The following PIK3CB variants were observed in gnomAD, a reference collection of about 807,000 sequenced individuals.
PIK3CB encodes the protein phosphatidylinositol-4,5-bisphosphate 3-kinase catalytic subunit beta.
PIK3CB carries 39 observed loss-of-function variants against 136.8 expected under a neutral mutation model. That is an observed-to-expected ratio of 0.29 (90% CI 0.22 to 0.37). The LOEUF is 0.37. Ranked by LOEUF, PIK3CB falls within the 10% of genes least tolerant of loss-of-function variation. The pLI, the probability that PIK3CB is intolerant of heterozygous loss-of-function variation, is 1.00. For missense variants in PIK3CB, 868 were observed against 1,275.4 expected, an observed-to-expected ratio of 0.68 and a Z score of 4.87; for synonymous variants, 428 against 436.6, an observed-to-expected ratio of 0.98 and a Z score of 0.25.
chr3:138,703,716 G>A (rs2108546937), intron 12 of PIK3CB, among the ~76,000 whole-genome samples: 1 of 152,260 alleles, frequency 6.6e-6, no homozygotes, highest in South Asian at 2.1e-4. Context: ...AATGGGAATA[G>A]TATATGTGGC....
At chr3:138,765,921 G>T (rs1253883372) in intron 2 of PIK3CB, among the ~76,000 whole-genome samples, 9 of 152,210 alleles carry the variant, frequency 5.9e-5, no homozygotes, top group Non-Finnish European at 1.3e-4. Context: ...AAGTCTATTT[G>T]CATGTGGTTT....
chr3:138,792,574 A>G (rs1163833944), intron 2 of PIK3CB, among the ~76,000 whole-genome samples: 1 of 152,158 alleles, frequency 6.6e-6, no homozygotes, highest in Non-Finnish European at 1.5e-5. Flanking sequence ...CAGCTTGCAT[A>G]CAGTTTAAAT....
intron 19 of PIK3CB, among the ~76,000 whole-genome samples, chr3:138,675,747 GAGAA>G (rs1473133262): frequency 6.6e-6 from 1 of 152,124 alleles, no homozygotes; most frequent in Non-Finnish European, 1.5e-5. Context: ...AATGAAAAGA[GAGAA>G]AGAACAAAGG....
At chr3:138,803,228 G>C (rs1427139491) in intron 1 of PIK3CB, among the ~76,000 whole-genome samples, 2 of 152,176 alleles carry the variant, frequency 1.3e-5, no homozygotes, top group African/African-American at 4.8e-5. Flanking sequence ...AAAAAGGTTG[G>C]GAAGGGAGGT....
chr3:138,680,088 G>A (rs559081383), intron 19 of PIK3CB, among the ~76,000 whole-genome samples: 14 of 152,002 alleles, frequency 9.2e-5, no homozygotes, highest in Admixed American at 2.0e-4. Flanking sequence ...GACAGGGGGC[G>A]GCGACTCACG....
At chr3:138,788,030 C>T (rs1040529545) in intron 2 of PIK3CB, among the ~76,000 whole-genome samples, 2 of 150,890 alleles carry the variant, frequency 1.3e-5, no homozygotes, top group Non-Finnish European at 2.9e-5. Context: ...TCAAACGATT[C>T]TCCTGCCTCA....
intron 11 of PIK3CB, among the ~76,000 whole-genome samples, chr3:138,705,168 A>AAG (rs2044341648): frequency 1.0e-5 from 1 of 97,376 alleles, no homozygotes; most frequent in Non-Finnish European, 2.1e-5. Context: ...AAAAAAAAAA[A>AAG]AAAAACAAAA....
intron 19 of PIK3CB, among the ~76,000 whole-genome samples, chr3:138,680,085 G>A (rs1387274676): frequency 6.6e-6 from 1 of 151,688 alleles, no homozygotes; most frequent in Non-Finnish European, 1.5e-5. Context: ...AAAGACAGGG[G>A]GCGGCGACTC....
rs2043793168 is a variant in PIK3CB at position 138,682,028 on chromosome 3, A to G, written c.2443T>C (p.Leu815=). 17 of 1,611,756 alleles carry G rather than the reference A, an allele frequency of 1.1e-5. No homozygotes were observed. Among genetic ancestry groups the G allele is most frequent in the Non-Finnish European group, 1.4e-5 (17 of 1,178,774 alleles). ...KNGDDLRQDM[L]TLQMLRLMDL... is the part of the protein sequence containing the mutation. ...ATCAAGCGCAACATTTGGAGTGTCA[A>G]CATATCCTGTCGTAAATCTAAGGGA... The change falls in exon 19 of 24, where the codon TTG becomes CTG. Residue 815 remains leucine, a synonymous_variant. Transcript: ENST00000674063.
chr3:138,722,575 C>T (rs244380), intron 8 of PIK3CB, among the ~76,000 whole-genome samples: 74,270 of 151,468 alleles, frequency 0.49, 20,689 homozygotes, highest in East Asian at 0.98. Flanking sequence ...AATAAATGTT[C>T]GCTAGTATTT....
intron 14 of PIK3CB, among the ~76,000 whole-genome samples, chr3:138,694,488 T>C (rs1407840669): frequency 6.6e-6 from 1 of 152,192 alleles, no homozygotes; most frequent in Non-Finnish European, 1.5e-5. Context: ...TTTTGCTCTG[T>C]ATCCTTTTGC....
chr3:138,795,570 G>A (rs1247449785), intron 2 of PIK3CB, among the ~76,000 whole-genome samples: 5 of 152,106 alleles, frequency 3.3e-5, no homozygotes, highest in South Asian at 2.1e-4. Flanking sequence ...GGCAGAGGTT[G>A]CAGTTAGCCA....
intron 1 of PIK3CB, among the ~76,000 whole-genome samples, chr3:138,815,430 G>A (rs200034706): frequency 2.1e-3 from 243 of 115,870 alleles, no homozygotes; most frequent in South Asian, 2.4e-3. Flanking sequence ...TGTTACAAAA[G>A]AAAAAAAAAA....
chr3:138,813,388 T>A (rs1933164308), intron 1 of PIK3CB, among the ~76,000 whole-genome samples: 1 of 151,904 alleles, frequency 6.6e-6, no homozygotes, highest in South Asian at 2.1e-4. Context: ...AAGGCCAAAG[T>A]CTTTCTTCAG....
chr3:138,833,352 C>G (rs985518924), intron 1 of PIK3CB, among the ~76,000 whole-genome samples: 2 of 152,098 alleles, frequency 1.3e-5, no homozygotes, highest in African/African-American at 4.8e-5. Flanking sequence ...CAGGCGTGAG[C>G]CAACGCACCT....
At chr3:138,785,183 A>G (rs1042449486) in intron 2 of PIK3CB, among the ~76,000 whole-genome samples, 89 of 147,896 alleles carry the variant, frequency 6.0e-4, no homozygotes, top group African/African-American at 2.0e-3. Flanking sequence ...CCCGTCCGGG[A>G]GGGAGGTGGG....
chr3:138,806,375 A>G (rs2046234987), intron 1 of PIK3CB, among the ~76,000 whole-genome samples: 1 of 151,974 alleles, frequency 6.6e-6, no homozygotes, highest in South Asian at 2.1e-4. Context: ...AGTCCCAGCT[A>G]CTCTGTAGGC....
intron 2 of PIK3CB, among the ~76,000 whole-genome samples, chr3:138,763,163 G>A (rs1423466200): frequency 1.4e-5 from 1 of 73,722 alleles, no homozygotes; most frequent in Non-Finnish European, 3.2e-5. Context: ...TTTAGAGATG[G>A]AGTCTCATTC....
At chr3:138,809,804 T>C (rs1041305388) in intron 1 of PIK3CB, among the ~76,000 whole-genome samples, 2 of 152,076 alleles carry the variant, frequency 1.3e-5, no homozygotes, top group African/African-American at 2.4e-5. Flanking sequence ...TCACATATAT[T>C]TCCTTGTTCT....
Sources: gnomAD v4.1 joint callset for allele counts (sites outside exome capture counted in the v4.1 genomes callset) on GRCh38, gnomAD v4.1.1 for gene constraint, MANE v1.5 for transcripts, NCBI Gene and HGNC (gene_info 2026-07-23, HGNC 2026-07-21) for gene names.